The following KIAA0319L variants were observed in gnomAD, a reference collection of about 807,000 sequenced individuals.
KIAA0319L encodes the protein KIAA0319 like.
A neutral mutation model predicts 120.1 loss-of-function variants in KIAA0319L; 55 were observed. That is an observed-to-expected ratio of 0.46 (90% confidence interval 0.37 to 0.57). KIAA0319L has a LOEUF of 0.57. KIAA0319L is among the 20% of genes least tolerant of loss of function. The pLI is 0.00. For missense variants in KIAA0319L, 1,049 were observed against 1,255.3 expected, an observed-to-expected ratio of 0.84 and a Z score of 2.48; for synonymous variants, 398 against 471.9, an observed-to-expected ratio of 0.84 and a Z score of 2.03.
chr1:35,496,696 C>G (rs1419033930), intron 3 of KIAA0319L, among the ~76,000 whole-genome samples: 1 of 152,070 alleles, frequency 6.6e-6, no homozygotes, highest in East Asian at 1.9e-4. Context: ...GTAATCCCAC[C>G]ACTTTGGGAG....
intron 2 of KIAA0319L, among the ~76,000 whole-genome samples, chr1:35,523,031 A>AG (rs1645989696): frequency 6.6e-6 from 1 of 151,550 alleles, no homozygotes; most frequent in African/African-American, 2.4e-5. Flanking sequence ...AAAAAAAAAA[A>AG]AAAAAAATCT....
At chr1:35,454,649 C>T (rs1330372788) in intron 10 of KIAA0319L, 164 bp from the exon 11 acceptor site, 3 of 1,408,412 alleles carry the variant, frequency 2.1e-6, no homozygotes, top group African/African-American at 1.4e-5. Flanking sequence ...AGTCAGATAT[C>T]ATGAGGCACC....
rs1645221581 is a variant in KIAA0319L, at chr1:35,506,783, T to C, written c.495A>G (p.Pro165=). The change falls in exon 3 of 21, where the codon CCA becomes CCG. Residue 165 remains proline, a synonymous_variant. Coordinates refer to ENST00000325722, the MANE Select transcript of KIAA0319L (RefSeq NM_024874.5). This position sits in a 1 kb window ranked among gnomAD's most constrained non-coding sequence, Gnocchi z 4.0. ...CAGCAGGTCTGAGTGCAGCTCTGGG[T>C]GGGCTCTGCCTCCAAGATGCCCAGT... ...GWNWASWRQS[P]PRAALRPAVS... 1 of 1,614,188 alleles carries C rather than the reference T, an allele frequency of 6.2e-7. No homozygotes were observed. The highest frequency in any genetic ancestry group is 1.7e-5 in the Admixed American group (1 of 60,028).
chr1:35,513,110 G>T (rs908759773), intron 2 of KIAA0319L, among the ~76,000 whole-genome samples: 1 of 150,734 alleles, frequency 6.6e-6, no homozygotes, highest in Non-Finnish European at 1.5e-5. Context: ...TTACTATCTG[G>T]CCCCTTAAGA....
Position 35,474,855 on chromosome 1 carries a change from G to C in KIAA0319L, c.965C>G (p.Pro322Arg), listed in dbSNP as rs1288641457. ...TGCATTTAATTGAACTTCATTCTTAGGCAGGGTTATCTGGACACTCTCTCC... is the reference window on the plus strand; with the variant it reads ...TGCATTTAATTGAACTTCATTCTTACGCAGGGTTATCTGGACACTCTCTCC... The part of the protein sequence containing the change: ...SAGESVQITL[P>R]KNEVQLNAYV... The change falls in exon 5 of 21, where the codon CCT (proline) becomes CGT (arginine). Residue 322 changes from proline (P) to arginine (R), a missense_variant. Pro to Arg is a moderately radical substitution (Grantham distance 103). Transcript: ENST00000325722. 1.2e-6 allele frequency: 2 copies of C among 1,611,356 alleles called. No homozygotes were observed. The highest frequency in any genetic ancestry group is 1.7e-5 in the Admixed American group (1 of 59,918).
intron 3 of KIAA0319L, among the ~76,000 whole-genome samples, chr1:35,481,107 T>C (rs1644144812): frequency 6.6e-6 from 1 of 152,230 alleles, no homozygotes; most frequent in African/African-American, 2.4e-5. Flanking sequence ...TTATTCATGA[T>C]ATTGTGCATA....
chr1:35,448,670 T>C (rs1207718921), intron 15 of KIAA0319L, among the ~76,000 whole-genome samples: 2 of 152,202 alleles, frequency 1.3e-5, no homozygotes, highest in Non-Finnish European at 2.9e-5. Context: ...CAACTGGCAG[T>C]GCTGAGCAAT....
chr1:35,462,481 T>C (rs961984747), intron 8 of KIAA0319L, 140 bp downstream of exon 8: 2 of 619,048 alleles, frequency 3.2e-6, no homozygotes, highest in Non-Finnish European at 2.8e-6. Flanking sequence ...CTTCAGATGG[T>C]TGGCCTTCCC....
chr1:35,444,160 C>A lies in KIAA0319L; in HGVS notation c.2656+1G>T. On this transcript the variant is annotated splice_donor_variant, in intron 17 of 20. Transcript: ENST00000325722. LOFTEE classifies it high-confidence loss of function. The stretch of plus-strand genomic sequence containing the variant: ...GCTCCCAAATTCCCAGAATTACTCA[C>A]TGACAGTGTTGACTTCCAAGGCTCT... 2 of 1,593,316 alleles carry A rather than the reference C, an allele frequency of 1.3e-6. No homozygotes were observed. The highest frequency in any genetic ancestry group is 1.7e-6 in the Non-Finnish European group (2 of 1,170,422).
At chr1:35,479,927 T>C (rs1570755489) in intron 3 of KIAA0319L, among the ~76,000 whole-genome samples, 1 of 22,532 alleles carries the variant, frequency 4.4e-5, no homozygotes, top group East Asian at 1.1e-3. Flanking sequence ...AAAGTAAATA[T>C]ACCAATGTTT....
chr1:35,452,449 C>A (rs749945042), intron 12 of KIAA0319L, among the ~76,000 whole-genome samples: 10 of 152,190 alleles, frequency 6.6e-5, no homozygotes, highest in Non-Finnish European at 1.0e-4. Flanking sequence ...GCTCAAGGAT[C>A]AAAATGCCCC....
Position 35,460,409 on chromosome 1 carries a change from C to T in KIAA0319L, c.1323G>A (p.Gln441=). 6.2e-7 allele frequency: 1 copy of T among 1,613,110 alleles called. No individual in the cohort carries two copies. The highest frequency in any genetic ancestry group is 8.5e-7 in the Non-Finnish European group (1 of 1,179,280). The change falls in exon 9 of 21, where the codon CAG becomes CAA. Residue 441 remains glutamine, a synonymous_variant. Coordinates refer to ENST00000325722, the MANE Select transcript of KIAA0319L (RefSeq NM_024874.5). ...GCCCCTTAAGTTCTTCCCAATGGTACTGAACGATTTTATCATCATCAGTGC... is the reference window on the plus strand; with the variant it reads ...GCCCCTTAAGTTCTTCCCAATGGTATTGAACGATTTTATCATCATCAGTGC... The part of the protein sequence containing the change: ...SQSTDDDKIV[Q]YHWEELKGPL...
chr1:35,517,290 C>G (rs1242067828), intron 2 of KIAA0319L, among the ~76,000 whole-genome samples: 1 of 152,024 alleles, frequency 6.6e-6, no homozygotes, highest in Non-Finnish European at 1.5e-5. Context: ...GCTGGTGGTA[C>G]CACGTTACCC....
In KIAA0319L at chr1:35,470,955, T is replaced by C. The variant is rs1643585778; in HGVS notation, c.1021A>G (p.Thr341Ala). 2 of 1,600,302 alleles carry C rather than the reference T, an allele frequency of 1.2e-6. No homozygotes were observed. Among genetic ancestry groups the C allele is most frequent in the African/African-American group, 1.3e-5 (1 of 74,704 alleles). ...YVLQEPPKGETYTYDWQLITH... is the reference protein window; with the variant it reads ...YVLQEPPKGEAYTYDWQLITH... ...ATCAGCTGCCAGTCGTAGGTGTAGG[T>C]TTCTCCTATAGAAGGGCAGTTACAA... is the stretch of plus-strand genomic sequence containing the variant. Residue 341 changes from threonine to alanine, a missense_variant, in exon 6 of 21, where the codon ACC becomes GCC. By Grantham distance (58) the Thr-to-Ala change is moderately conservative. Coordinates refer to ENST00000325722, the MANE Select transcript of KIAA0319L (RefSeq NM_024874.5).
At chr1:35,517,529 G>A (rs1320059522) in intron 2 of KIAA0319L, among the ~76,000 whole-genome samples, 1 of 152,152 alleles carries the variant, frequency 6.6e-6, no homozygotes, top group Non-Finnish European at 1.5e-5. Flanking sequence ...ATTAAAGCTG[G>A]ACCCCTTCCT....
intron 3 of KIAA0319L, among the ~76,000 whole-genome samples, chr1:35,501,854 G>GTGACACAGT: frequency 6.7e-6 from 1 of 148,374 alleles, no homozygotes; most frequent in East Asian, 2.0e-4. Flanking sequence ...CTCTAGCCTG[G>GTGACACAGT]GCAATAAGAG....
At chr1:35,436,051 G>C (rs1311969657) in intron 20 of KIAA0319L, among the ~76,000 whole-genome samples, 1 of 151,982 alleles carries the variant, frequency 6.6e-6, no homozygotes, top group African/African-American at 2.4e-5. Flanking sequence ...GACATCTTAG[G>C]GAGAGGGGAG....
chr1:35,456,824 A>AAAGG (rs550382122), intron 9 of KIAA0319L, among the ~76,000 whole-genome samples: 47 of 146,672 alleles, frequency 3.2e-4, no homozygotes, highest in African/African-American at 7.8e-4. Context: ...AAAAAAAGAA[A>AAAGG]AAGGAAGGAA....
chr1:35,456,350 CTA>C, intron 9 of KIAA0319L, 109 bp from the exon 10 acceptor site: 3 of 677,620 alleles, frequency 4.4e-6, no homozygotes, highest in Non-Finnish European at 7.3e-6. Context: ...GCAAGGTTAC[CTA>C]TTCTTACCCA....
Sources: allele counts gnomAD v4.1 joint callset (sites outside exome capture counted in the v4.1 genomes callset), GRCh38; gene constraint gnomAD v4.1.1; non-coding constraint Gnocchi (gnomAD v3.1); transcripts MANE v1.5; gene names NCBI Gene and HGNC (gene_info 2026-07-23, HGNC 2026-07-21).